GPR158: variants seen among roughly 807,000 people sequenced by gnomAD.
GPR158 encodes the protein metabotropic glycine receptor.
Under a neutral mutation model 78.2 loss-of-function variants are expected in GPR158, and 30 were observed. That is an observed-to-expected ratio of 0.38 (90% CI 0.29 to 0.52). The LOEUF is 0.52. GPR158 is among the 20% of genes least tolerant of loss of function. GPR158 has a pLI of 0.83. For synonymous variants in GPR158, 581 were observed against 591.1 expected, an observed-to-expected ratio of 0.98 and a Z score of 0.25; for missense variants, 1,463 against 1,523.5, an observed-to-expected ratio of 0.96 and a Z score of 0.66.
chr10:25,451,440 CT>C (rs1207274712), intron 4 of GPR158, among the ~76,000 whole-genome samples: 1 of 152,110 alleles, frequency 6.6e-6, no homozygotes, highest in African/African-American at 2.4e-5. Flanking sequence ...ACACTTTTTA[CT>C]TCTATTTGTA....
At chr10:25,554,661 A>G (rs1047523531) in intron 6 of GPR158, among the ~76,000 whole-genome samples, 1 of 152,186 alleles carries the variant, frequency 6.6e-6, no homozygotes, top group Admixed American at 6.6e-5. Context: ...TTTCAGAGTC[A>G]TATGGCCAAA....
At chr10:25,421,229 T>G (rs994568045) in intron 4 of GPR158, among the ~76,000 whole-genome samples, 2 of 152,202 alleles carry the variant, frequency 1.3e-5, no homozygotes, top group African/African-American at 4.8e-5. Flanking sequence ...TAAATAGGTT[T>G]TATGATTTGT....
At chr10:25,334,827 ATGCT>A (rs1855175156) in intron 2 of GPR158, among the ~76,000 whole-genome samples, 1 of 151,840 alleles carries the variant, frequency 6.6e-6, no homozygotes, top group Non-Finnish European at 1.5e-5. Flanking sequence ...GCTCAACTCA[ATGCT>A]TTAGTCTATT....
chr10:25,342,687 A>T (rs1397861216), intron 2 of GPR158, among the ~76,000 whole-genome samples: 1 of 151,652 alleles, frequency 6.6e-6, no homozygotes, highest in East Asian at 1.9e-4. Context: ...GCCTTTATTT[A>T]CTGATGGTAT....
intron 2 of GPR158, among the ~76,000 whole-genome samples, chr10:25,227,992 CAA>C (rs1853397601): frequency 6.6e-6 from 1 of 152,084 alleles, no homozygotes; most frequent in Non-Finnish European, 1.5e-5. Flanking sequence ...AATTTTTTGA[CAA>C]TATGGTAAAA....
intron 2 of GPR158, among the ~76,000 whole-genome samples, chr10:25,354,278 T>C (rs56142386): frequency 0.1 from 15,104 of 150,220 alleles, 1,872 homozygotes; most frequent in African/African-American, 0.3. Flanking sequence ...TCACTTGAAC[T>C]GGAGAGGTGG....
chr10:25,241,180 T>TC (rs748432953), intron 2 of GPR158, among the ~76,000 whole-genome samples: 2,297 of 96,140 alleles, frequency 0.024, 92 homozygotes, highest in African/African-American at 0.086. Flanking sequence ...TTTCTTTCTT[T>TC]CTTTCTTTCC....
intron 5 of GPR158, among the ~76,000 whole-genome samples, chr10:25,469,233 A>G (rs1014615090): frequency 2.0e-5 from 3 of 152,278 alleles, no homozygotes; most frequent in Non-Finnish European, 2.9e-5. Context: ...TTATATGCCA[A>G]TGACTGCTGA....
intron 2 of GPR158, among the ~76,000 whole-genome samples, chr10:25,228,772 C>T (rs1009793587): frequency 6.6e-6 from 1 of 152,104 alleles, no homozygotes; most frequent in African/African-American, 2.4e-5. Context: ...TGGCTCACGC[C>T]TGTAATCCCA....
At chr10:25,493,123 A>C (rs1835833715) in intron 5 of GPR158, among the ~76,000 whole-genome samples, 2 of 152,148 alleles carry the variant, frequency 1.3e-5, no homozygotes, top group African/African-American at 2.4e-5. Flanking sequence ...TAGGCCTTTC[A>C]CGAGAAGAGA....
chr10:25,472,969 T>C (rs1269623826), intron 5 of GPR158, among the ~76,000 whole-genome samples: 1 of 152,138 alleles, frequency 6.6e-6, no homozygotes, highest in East Asian at 1.9e-4. Flanking sequence ...CTGATTGCCC[T>C]GGCCAGAACT....
chr10:25,262,493 T>C (rs1853981019), intron 2 of GPR158, among the ~76,000 whole-genome samples: 1 of 152,212 alleles, frequency 6.6e-6, no homozygotes, highest in South Asian at 2.1e-4. Flanking sequence ...ATATTATTTT[T>C]CTTTAAAAAT....
At chr10:25,322,030 T>C (rs1455754489) in intron 2 of GPR158, among the ~76,000 whole-genome samples, 1 of 152,176 alleles carries the variant, frequency 6.6e-6, no homozygotes, top group African/African-American at 2.4e-5. Context: ...AATAGATTGT[T>C]CAAATTTGAG....
intron 5 of GPR158, among the ~76,000 whole-genome samples, chr10:25,523,159 A>G (rs1378710489): frequency 1.3e-5 from 2 of 152,182 alleles, no homozygotes; most frequent in African/African-American, 4.8e-5. Context: ...GGCACCATGC[A>G]CAAGGGTCAG....
intron 5 of GPR158, among the ~76,000 whole-genome samples, chr10:25,487,952 T>G (rs2130643839): frequency 6.6e-6 from 1 of 152,230 alleles, no homozygotes; most frequent in East Asian, 1.9e-4. Flanking sequence ...TGTGAGCATT[T>G]AAAAGCTCAA....
intron 6 of GPR158, among the ~76,000 whole-genome samples, chr10:25,571,527 G>T (rs928134576): frequency 7.9e-5 from 12 of 152,172 alleles, no homozygotes; most frequent in African/African-American, 2.9e-4. Flanking sequence ...AGAACATTGA[G>T]AAAATGTGTT....
At chr10:25,407,723 C>A (rs1834533257) in intron 3 of GPR158, among the ~76,000 whole-genome samples, 1 of 152,024 alleles carries the variant, frequency 6.6e-6, no homozygotes, top group Non-Finnish European at 1.5e-5. Flanking sequence ...ATGTCGACTC[C>A]ACCTTCAAAC....
intron 2 of GPR158, among the ~76,000 whole-genome samples, chr10:25,372,901 AAAG>A (rs1361917184): frequency 5.3e-5 from 8 of 152,024 alleles, no homozygotes; most frequent in African/African-American, 1.7e-4. Flanking sequence ...ACAAAGAAAA[AAAG>A]ACCTAAAAAC....
intron 5 of GPR158, among the ~76,000 whole-genome samples, chr10:25,469,036 G>A (rs1272074861): frequency 6.6e-6 from 1 of 152,046 alleles, no homozygotes; most frequent in African/African-American, 2.4e-5. Flanking sequence ...TACGGCTGCC[G>A]GGACATCAGA....
Sources: allele counts gnomAD v4.1 joint callset (sites outside exome capture counted in the v4.1 genomes callset), GRCh38; gene constraint gnomAD v4.1.1; transcripts MANE v1.5; gene names NCBI Gene and HGNC (gene_info 2026-07-23, HGNC 2026-07-21).